The following DAPK1 variants were observed in gnomAD, a reference collection of about 807,000 sequenced individuals.
DAPK1 encodes death associated protein kinase 1.
DAPK1 carries 56 observed loss-of-function variants against 144.9 expected under a neutral mutation model. That is an observed-to-expected ratio of 0.39 (90% CI 0.31 to 0.48). The LOEUF (loss-of-function observed/expected upper bound fraction) is 0.48, where lower values mean the gene tolerates loss of function less well. Among genes scored for constraint, DAPK1 ranks in the 20% least tolerant of loss-of-function variants. The pLI, the probability that DAPK1 is intolerant of heterozygous loss-of-function variation, is 0.95. For missense variants in DAPK1, 1,454 were observed against 1,875.4 expected (o/e 0.78, Z 4.15); for synonymous variants, 690 against 749.0 (o/e 0.92, Z 1.29).
rs778616058 is a variant in DAPK1 at position 87,650,091 on chromosome 9, T to C, written c.1599T>C (p.His533=). Residue 533 remains histidine, a synonymous_variant, in exon 16 of 26, where the codon CAT becomes CAC. Coordinates refer to ENST00000408954, the MANE Select transcript of DAPK1 (RefSeq NM_004938.4). ...YHDIVECLAE[H]GADLNACDKD... is the part of the protein sequence containing the mutation. ...ACATCGTGGAGTGTCTGGCCGAACATGGAGCCGACCTTAATGCTTGCGACA... is the reference window on the plus strand; with the variant it reads ...ACATCGTGGAGTGTCTGGCCGAACACGGAGCCGACCTTAATGCTTGCGACA... The C allele has an allele frequency of 2.5e-4, 399 of 1,614,100 alleles. 1 individual carries two copies. Among genetic ancestry groups the C allele is most frequent in the East Asian group, 4.2e-4 (19 of 44,838 alleles).
At chr9:87,615,618 C>G (rs1454448130) in intron 3 of DAPK1, among the ~76,000 whole-genome samples, 1 of 152,230 alleles carries the variant, frequency 6.6e-6, no homozygotes, top group African/African-American at 2.4e-5. Flanking sequence ...ATGGGTCTTC[C>G]CAAACTGCCT....
chr9:87,640,386 T>A lies in DAPK1; in HGVS notation c.718T>A (p.Tyr240Asn). The change falls in exon 8 of 26, where the codon TAC becomes AAC. Residue 240 changes from tyrosine (Y) to asparagine (N), a missense_variant. This residue lies in a region of DAPK1 where 429 missense variants were observed against 637.5 expected (regional missense o/e 0.67). Coordinates refer to ENST00000408954, the MANE Select transcript of DAPK1 (RefSeq NM_004938.4). ...TGTCAACTACGAATTTGAGGATGAA[T>A]ACTTCAGTAATACCAGTGCCCTAGC... Reference protein sequence around the residue: ...SAVNYEFEDEYFSNTSALAKD... With the variant: ...SAVNYEFEDENFSNTSALAKD... The A allele has an allele frequency of 6.2e-7, 1 of 1,614,194 alleles. No homozygotes were observed. The highest frequency in any genetic ancestry group is 8.5e-7 in the Non-Finnish European group (1 of 1,179,990).
At chr9:87,546,830 G>C (rs1303772733) in intron 2 of DAPK1, among the ~76,000 whole-genome samples, 1 of 151,914 alleles carries the variant, frequency 6.6e-6, no homozygotes, top group South Asian at 2.1e-4. Context: ...GCACTGCCTA[G>C]AGCAATCTGC....
chr9:87,620,432 G>A (rs1829251967), intron 3 of DAPK1, among the ~76,000 whole-genome samples: 2 of 152,288 alleles, frequency 1.3e-5, no homozygotes, highest in Admixed American at 1.3e-4. Flanking sequence ...GGTGGCTAAA[G>A]AACAGGCAGC....
chr9:87,691,169 T>C (rs529457828), intron 21 of DAPK1, among the ~76,000 whole-genome samples: 10 of 152,154 alleles, frequency 6.6e-5, no homozygotes, highest in Admixed American at 4.6e-4. Flanking sequence ...CAGTTCAATC[T>C]CATTACTCAT....
At chr9:87,674,220 T>C (rs899733767) in intron 19 of DAPK1, among the ~76,000 whole-genome samples, 3 of 152,078 alleles carry the variant, frequency 2.0e-5, no homozygotes, top group Non-Finnish European at 4.4e-5. Flanking sequence ...AAAAGTAGGC[T>C]GGGTGCGGTG....
At chr9:87,634,486 G>C (rs897857870) in intron 3 of DAPK1, among the ~76,000 whole-genome samples, 1 of 152,110 alleles carries the variant, frequency 6.6e-6, no homozygotes, top group Admixed American at 6.5e-5. Context: ...GGACCTGGAG[G>C]CCCCCAGTCC....
chr9:87,539,880 A>G (rs542916294), intron 2 of DAPK1, among the ~76,000 whole-genome samples: 7 of 151,972 alleles, frequency 4.6e-5, no homozygotes, highest in Non-Finnish European at 8.8e-5. Flanking sequence ...GCGTATCAAT[A>G]ATTGTCGTAG....
chr9:87,653,264 C>T (rs1830520060), intron 17 of DAPK1, among the ~76,000 whole-genome samples: 1 of 152,158 alleles, frequency 6.6e-6, no homozygotes, highest in African/African-American at 2.4e-5. Context: ...TCCCCCCAAT[C>T]CTGGGTCCTG....
chr9:87,601,209 A>G (rs1013094961), intron 2 of DAPK1, among the ~76,000 whole-genome samples: 4 of 152,232 alleles, frequency 2.6e-5, no homozygotes, highest in African/African-American at 7.2e-5. Context: ...TTAGGGAAGA[A>G]TTGCTCCTCC....
intron 2 of DAPK1, chr9:87,525,315 A>C (rs7048072): frequency 0.32 from 518,382 of 1,595,802 alleles, 90,187 homozygotes; most frequent in African/African-American, 0.39. Flanking sequence ...GGTCACCAGC[A>C]GCTGTACTGG....
intron 8 of DAPK1, 40 bp from the exon 9 acceptor site, chr9:87,640,762 A>G (rs759017265): frequency 5.6e-6 from 9 of 1,604,936 alleles, no homozygotes; most frequent in South Asian, 2.2e-5. Context: ...ATTTGCTGCT[A>G]TGGTCACAGC....
intron 2 of DAPK1, among the ~76,000 whole-genome samples, chr9:87,600,290 A>G (rs1367438562): frequency 6.6e-6 from 1 of 152,230 alleles, no homozygotes; most frequent in Non-Finnish European, 1.5e-5. Flanking sequence ...CTTGGAGGTT[A>G]CAAATAAATT....
chr9:87,560,273 G>A (rs1345400163), intron 2 of DAPK1, among the ~76,000 whole-genome samples: 1 of 152,088 alleles, frequency 6.6e-6, no homozygotes, highest in East Asian at 1.9e-4. Context: ...TGAGATTACA[G>A]GTGTGAGTCA....
intron 2 of DAPK1, among the ~76,000 whole-genome samples, chr9:87,585,077 G>C (rs1405756500): frequency 1.3e-5 from 2 of 152,134 alleles, no homozygotes; most frequent in East Asian, 3.8e-4. Flanking sequence ...TATATATTTT[G>C]ACTGTTCACT....
chr9:87,675,888 CA>C lies in DAPK1; in HGVS notation c.2002-5515del, dbSNP rs1564064478. On this transcript the variant is annotated intron_variant, in intron 19 of 25. Coordinates refer to ENST00000408954, the MANE Select transcript of DAPK1 (RefSeq NM_004938.4). ...ACACACACACACACACACACACACACACACACACCCTTATGACCACCTGGAA... is the reference window on the plus strand; with the variant it reads ...ACACACACACACACACACACACACACCACACACCCTTATGACCACCTGGAA... Among the ~76,000 whole-genome samples the C allele has an allele frequency of 6.6e-3, 999 of 151,612 alleles. 13 individuals are homozygous for C. Among genetic ancestry groups the C allele is most frequent in the African/African-American group, 0.023 (944 of 41,256 alleles).
chr9:87,682,179 G>A (rs1824657148), intron 20 of DAPK1, among the ~76,000 whole-genome samples: 1 of 152,196 alleles, frequency 6.6e-6, no homozygotes, highest in Non-Finnish European at 1.5e-5. Context: ...AGGCTCCTTA[G>A]TGGTTTTCAG....
intron 2 of DAPK1, among the ~76,000 whole-genome samples, chr9:87,543,166 A>T (rs1347947753): frequency 6.6e-6 from 1 of 152,278 alleles, no homozygotes; most frequent in African/African-American, 2.4e-5. Flanking sequence ...TTTATGTGCA[A>T]AACAACATGT....
At chr9:87,582,828 C>T (rs374733248) in intron 2 of DAPK1, among the ~76,000 whole-genome samples, 1 of 152,214 alleles carries the variant, frequency 6.6e-6, no homozygotes, top group South Asian at 2.1e-4. Flanking sequence ...GCTGGGATTA[C>T]AGGCATGAGC....
Sources: gnomAD v4.1 joint callset for allele counts (sites outside exome capture counted in the v4.1 genomes callset) on GRCh38, gnomAD v4.1.1 for gene constraint, gnomAD v4.1.1 regional missense constraint, MANE v1.5 for transcripts, NCBI Gene and HGNC (gene_info 2026-07-23, HGNC 2026-07-21) for gene names.